CA6: variants seen among roughly 807,000 people sequenced by gnomAD.
The protein encoded by CA6 is carbonic anhydrase 6.
A neutral mutation model predicts 35.9 loss-of-function variants in CA6; 28 were observed. The observed-to-expected ratio is 0.78, with a 90% confidence interval of 0.58 to 1.07. The LOEUF (loss-of-function observed/expected upper bound fraction) is 1.07, where lower values mean the gene tolerates loss of function less well. CA6 is among the 50% of genes least tolerant of loss of function. The pLI is 0.00. For missense variants in CA6, 377 were observed against 382.0 expected (o/e 0.99, Z 0.11); for synonymous variants, 148 against 152.6 (o/e 0.97, Z 0.22).
chr1:8,961,781 A>C (rs1450787773), intron 4 of CA6, among the ~76,000 whole-genome samples: 1 of 152,220 alleles, frequency 6.6e-6, no homozygotes, highest in Non-Finnish European at 1.5e-5. Context: ...TCTGACTGTT[A>C]AAGTCAATAC....
intron 2 of CA6, among the ~76,000 whole-genome samples, chr1:8,951,077 G>A (rs1166367182): frequency 3.3e-5 from 5 of 152,070 alleles, no homozygotes; most frequent in Admixed American, 6.5e-5. Context: ...TTGGTTGGGC[G>A]TGGTGGCGCA....
At chr1:8,967,570 T>C in intron 5 of CA6, 89 bp from the exon 6 acceptor site, 1 of 1,022,788 alleles carries the variant, frequency 9.8e-7, no homozygotes, top group South Asian at 1.5e-5. Context: ...CTCAAGAGAT[T>C]GGAACCTGGC....
intron 1 of CA6, among the ~76,000 whole-genome samples, chr1:8,948,895 G>T (rs560520665): frequency 6.6e-6 from 1 of 151,890 alleles, no homozygotes; most frequent in African/African-American, 2.4e-5. Context: ...TCTTGAATCT[G>T]GGAGGCAGAG....
intron 6 of CA6, among the ~76,000 whole-genome samples, 174 bp from the exon 7 acceptor site, chr1:8,970,693 G>T (rs184709233): frequency 2.0e-3 from 310 of 152,056 alleles, no homozygotes; most frequent in Non-Finnish European, 3.6e-3. Flanking sequence ...TAGAGAAGAG[G>T]TTTCACCATG....
intron 3 of CA6, 95 bp from the exon 4 acceptor site, chr1:8,958,815 C>T (rs962229773): frequency 3.2e-5 from 23 of 716,374 alleles, no homozygotes; most frequent in South Asian, 5.3e-5. Context: ...AGGCCTCAGA[C>T]GGAGCACCTT....
rs1639901380 is a variant in CA6, at chr1:8,963,726, G to A, written c.571+1070G>A. Among the ~76,000 whole-genome samples the A allele has an allele frequency of 6.6e-6, 1 of 151,940 alleles. No homozygotes were observed. Among genetic ancestry groups the A allele is most frequent in the Admixed American group, 6.6e-5 (1 of 15,250 alleles). Reference sequence around the variant, plus strand: ...GGCTGGTTTTTTTGTATTTTCAGTAGAGACAGGGTCTCACCATGTTCTCAG... The same window carrying A: ...GGCTGGTTTTTTTGTATTTTCAGTAAAGACAGGGTCTCACCATGTTCTCAG... On this transcript the variant is annotated intron_variant, in intron 5 of 7. Coordinates refer to ENST00000377443, the MANE Select transcript of CA6 (RefSeq NM_001215.4). The surrounding 1 kb of genome is among the most constrained non-coding windows in gnomAD (Gnocchi z 4.1).
chr1:8,968,560 G>T (rs1640029567), intron 6 of CA6, among the ~76,000 whole-genome samples: 1 of 152,110 alleles, frequency 6.6e-6, no homozygotes. Flanking sequence ...ACTTCAGTTA[G>T]TGGAATTATC....
At chr1:8,969,119 G>C (rs1640045871) in intron 6 of CA6, among the ~76,000 whole-genome samples, 1 of 152,082 alleles carries the variant, frequency 6.6e-6, no homozygotes, top group Non-Finnish European at 1.5e-5. Flanking sequence ...TTCGAGACCA[G>C]CCTGGCCAAC....
intron 5 of CA6, among the ~76,000 whole-genome samples, chr1:8,966,541 G>T (rs938482829): frequency 2.0e-5 from 3 of 152,122 alleles, no homozygotes; most frequent in Non-Finnish European, 2.9e-5. Context: ...CCTTTTGGAG[G>T]TTATATCTTG....
intron 4 of CA6, among the ~76,000 whole-genome samples, chr1:8,961,968 G>A (rs960092254): frequency 6.6e-5 from 10 of 152,126 alleles, no homozygotes; most frequent in African/African-American, 2.2e-4. Flanking sequence ...GACCAGGTGC[G>A]GTGGCTCACG....
At chr1:8,970,434 G>A (rs887266662) in intron 6 of CA6, among the ~76,000 whole-genome samples, 2 of 152,054 alleles carry the variant, frequency 1.3e-5, no homozygotes, top group African/African-American at 4.8e-5. Context: ...AACCTCCCCT[G>A]GACTTGAGAT....
chr1:8,974,358 G>A (rs759191599), intron 7 of CA6: 30 of 1,520,802 alleles, frequency 2.0e-5, no homozygotes, highest in East Asian at 9.9e-5. Context: ...CAAGGGCCAC[G>A]GGGGGCATCG....
chr1:8,967,875 T>C lies in CA6; in HGVS notation c.729+59T>C. 2.6e-6 allele frequency: 4 copies of C among 1,531,640 alleles called. No individual in the cohort carries two copies. The East Asian group carries it at 6.8e-5, about 26-fold the overall frequency. The allele number at this position is 1,531,640 out of a possible 1,614,324, so 94.9% of individuals were successfully genotyped here. A position where few individuals can be genotyped will look rare whatever the true frequency, so the allele number is the denominator to read the frequency against. Reference sequence around the variant, plus strand: ...CATTCGATTGCCTGGTTAACAAGGGTTCTCCCCAGCATCTCAACGAACGTC... The same window carrying C: ...CATTCGATTGCCTGGTTAACAAGGGCTCTCCCCAGCATCTCAACGAACGTC... On this transcript the variant is annotated intron_variant, in intron 6 of 7. Coordinates refer to ENST00000377443, the MANE Select transcript of CA6 (RefSeq NM_001215.4).
At chr1:8,946,815 T>G (rs1354194457) in intron 1 of CA6, among the ~76,000 whole-genome samples, 1 of 149,344 alleles carries the variant, frequency 6.7e-6, no homozygotes, top group East Asian at 1.9e-4. Context: ...GTTTTTTTTT[T>G]TTTTTTGAGA....
chr1:8,969,646 T>G (rs1640057818), intron 6 of CA6, among the ~76,000 whole-genome samples: 1 of 152,154 alleles, frequency 6.6e-6, no homozygotes, highest in Admixed American at 6.6e-5. Flanking sequence ...TCTCTGGGTG[T>G]GTAGATATGT....
chr1:8,974,545 T>C, intron 7 of CA6, 77 bp from the exon 8 acceptor site: 4 of 1,406,822 alleles, frequency 2.8e-6, no homozygotes, highest in Non-Finnish European at 4.0e-6. Flanking sequence ...GGGTATGGTG[T>C]CTGGCCGTCC....
chr1:8,969,585 C>A (rs1219648250), intron 6 of CA6, among the ~76,000 whole-genome samples: 1 of 151,898 alleles, frequency 6.6e-6, no homozygotes, highest in Non-Finnish European at 1.5e-5. Flanking sequence ...GAAGAGATAC[C>A]AAGTCATATA....
chr1:8,947,614 C>G (rs1338679374), intron 1 of CA6, among the ~76,000 whole-genome samples: 1 of 152,070 alleles, frequency 6.6e-6, no homozygotes, highest in East Asian at 1.9e-4. Flanking sequence ...ACAATGAAGT[C>G]CTTGTCCTTC....
intron 2 of CA6, 132 bp downstream of exon 2, chr1:8,949,574 A>G: frequency 2.7e-6 from 2 of 731,516 alleles, no homozygotes; most frequent in Non-Finnish European, 4.5e-6. Context: ...GGCCTCGAAC[A>G]TGAGGGTCGA....
Sources: gnomAD v4.1 joint callset for allele counts (sites outside exome capture counted in the v4.1 genomes callset) on GRCh38, gnomAD v4.1.1 for gene constraint, Gnocchi (gnomAD v3.1) non-coding constraint, MANE v1.5 for transcripts, NCBI Gene and HGNC (gene_info 2026-07-23, HGNC 2026-07-21) for gene names.